QKI: variants seen among roughly 807,000 people sequenced by gnomAD.
QKI encodes KH domain-containing RNA-binding protein QKI.
Under a neutral mutation model 39.0 loss-of-function variants are expected in QKI, and 10 were observed. The observed-to-expected ratio is 0.26, with a 90% CI of 0.16 to 0.43. The LOEUF (loss-of-function observed/expected upper bound fraction) is 0.43. Ranked by LOEUF, QKI falls within the 20% of genes least tolerant of loss-of-function variation. The pLI, the probability that QKI is intolerant of heterozygous loss-of-function variation, is 1.00. For missense variants in QKI, 218 were observed against 428.0 expected (o/e 0.51, Z 4.33); for synonymous variants, 204 against 155.4 (o/e 1.31, Z -2.33).
At chr6:163,563,271 A>G (rs1179256089) in intron 5 of QKI, 149 bp from the exon 6 acceptor site, 1 of 670,542 alleles carries the variant, frequency 1.5e-6, no homozygotes, top group African/African-American at 1.8e-5. Flanking sequence ...GTGCTTTTGC[A>G]TTTTTGTGTG....
chr6:163,471,169 A>G (rs1209449052), intron 2 of QKI, among the ~76,000 whole-genome samples: 2 of 152,160 alleles, frequency 1.3e-5, no homozygotes, highest in Non-Finnish European at 2.9e-5. Flanking sequence ...CCTTCAAAGG[A>G]GCAGCGGGAA....
At chr6:163,427,083 A>G (rs1024720866) in intron 1 of QKI, among the ~76,000 whole-genome samples, 10 of 152,202 alleles carry the variant, frequency 6.6e-5, no homozygotes, top group East Asian at 3.9e-4. Flanking sequence ...TAGGAATGGT[A>G]TGAAATACTT....
intron 3 of QKI, among the ~76,000 whole-genome samples, chr6:163,520,033 A>G (rs1049789926): frequency 1.4e-4 from 21 of 152,172 alleles, no homozygotes; most frequent in Non-Finnish European, 4.4e-5. Flanking sequence ...CACCAGTGAA[A>G]CATTTTAGAG....
chr6:163,438,434 C>T (rs1400394869), intron 1 of QKI, among the ~76,000 whole-genome samples: 1 of 152,138 alleles, frequency 6.6e-6, no homozygotes, highest in Non-Finnish European at 1.5e-5. Context: ...CATCATTATG[C>T]TATTTCCTTT....
intron 3 of QKI, among the ~76,000 whole-genome samples, chr6:163,499,936 C>A (rs191834539): frequency 5.9e-5 from 9 of 152,150 alleles, no homozygotes; most frequent in Admixed American, 3.9e-4. Flanking sequence ...TAAGTATGGG[C>A]TGGGTGGAAG....
chr6:163,566,692 CT>C, intron 6 of QKI, 28 bp from the exon 7 acceptor site: 1 of 1,611,924 alleles, frequency 6.2e-7, no homozygotes, highest in Non-Finnish European at 8.5e-7. Context: ...TGTTTTCTAA[CT>C]TTGTCTTGGT....
chr6:163,558,367 T>G (rs1447225347), intron 4 of QKI, among the ~76,000 whole-genome samples: 1 of 152,030 alleles, frequency 6.6e-6, no homozygotes, highest in Non-Finnish European at 1.5e-5. Flanking sequence ...AGTAATTCTA[T>G]AATTAACCCT....
chr6:163,534,826 A>G (rs1037274593), intron 3 of QKI, 156 bp from the exon 4 acceptor site: 7 of 569,778 alleles, frequency 1.2e-5, no homozygotes, highest in Non-Finnish European at 1.7e-5. Context: ...ATTCAATCAA[A>G]CTTTGAGGAC....
At chr6:163,530,651 GC>G (rs544765385) in intron 3 of QKI, among the ~76,000 whole-genome samples, 17 of 152,152 alleles carry the variant, frequency 1.1e-4, no homozygotes, top group Non-Finnish European at 2.2e-4. Flanking sequence ...TGACCTCAAA[GC>G]CTTTTTTTGT....
intron 3 of QKI, among the ~76,000 whole-genome samples, chr6:163,520,313 A>T (rs1780069071): frequency 6.6e-6 from 1 of 152,196 alleles, no homozygotes; most frequent in Non-Finnish European, 1.5e-5. Flanking sequence ...CGTTTAACAA[A>T]CTCATCATTA....
At chr6:163,479,142 A>G (rs905860583) in intron 3 of QKI, among the ~76,000 whole-genome samples, 1 of 151,860 alleles carries the variant, frequency 6.6e-6, no homozygotes, top group African/African-American at 2.4e-5. Flanking sequence ...TACAAAAATT[A>G]GCTGGGCGTG....
intron 4 of QKI, among the ~76,000 whole-genome samples, chr6:163,557,478 A>T (rs1782703658): frequency 6.6e-6 from 1 of 152,242 alleles, no homozygotes; most frequent in South Asian, 2.1e-4. Context: ...AGCTAAAAAA[A>T]TTAAGTCAAT....
intron 6 of QKI, chr6:163,564,332 C>T: frequency 9.6e-7 from 1 of 1,046,368 alleles, no homozygotes; most frequent in Non-Finnish European, 1.2e-6. Context: ...ATATCGTTTA[C>T]TACACACCTA....
chr6:163,454,308 T>A (rs1023365154), intron 1 of QKI, among the ~76,000 whole-genome samples: 13 of 151,928 alleles, frequency 8.6e-5, no homozygotes, highest in South Asian at 2.1e-4. Context: ...CTCCTACTTT[T>A]AAAAAAAATG....
chr6:163,479,725 A>G (rs1440971060), intron 3 of QKI, among the ~76,000 whole-genome samples: 2 of 152,336 alleles, frequency 1.3e-5, no homozygotes, highest in East Asian at 3.9e-4. Flanking sequence ...TCAGTTCATC[A>G]TGTTACCTTC....
chr6:163,539,097 T>C (rs544893676), intron 4 of QKI, among the ~76,000 whole-genome samples: 1 of 152,208 alleles, frequency 6.6e-6, no homozygotes, highest in Admixed American at 6.5e-5. Context: ...GATATAAGTA[T>C]AGAAGAAAAA....
intron 3 of QKI, among the ~76,000 whole-genome samples, chr6:163,530,419 A>G (rs1359845279): frequency 1.3e-5 from 2 of 152,218 alleles, no homozygotes; most frequent in Admixed American, 6.5e-5. Flanking sequence ...CTTAATGACT[A>G]AAAGAGGACC....
chr6:163,565,840 C>T (rs577984486), intron 6 of QKI: 3 of 1,490,008 alleles, frequency 2.0e-6, no homozygotes, highest in African/African-American at 1.4e-5. Context: ...AAGCAGTGCC[C>T]TTCAAAACAG....
At chr6:163,489,294 G>A (rs369761461) in intron 3 of QKI, among the ~76,000 whole-genome samples, 58 of 151,856 alleles carry the variant, frequency 3.8e-4, no homozygotes, top group Middle Eastern at 3.2e-3. Flanking sequence ...AAATTCCTCC[G>A]TCTTAGGGTG....
Sources: allele counts gnomAD v4.1 joint callset (sites outside exome capture counted in the v4.1 genomes callset), GRCh38; gene constraint gnomAD v4.1.1; transcripts MANE v1.5; gene names NCBI Gene and HGNC (gene_info 2026-07-23, HGNC 2026-07-21).